The following NCOA6 variants were observed in gnomAD, a reference collection of about 807,000 sequenced individuals.
NCOA6 encodes nuclear receptor coactivator 6.
In NCOA6, 49 loss-of-function variants were observed where a neutral mutation model predicts 171.4. The observed-to-expected ratio is 0.29, with a 90% confidence interval of 0.23 to 0.36. The LOEUF is 0.36. NCOA6 is among the 10% of genes least tolerant of loss of function. The pLI is 1.00. For synonymous variants in NCOA6, 910 were observed against 927.5 expected, an observed-to-expected ratio of 0.98 and a Z score of 0.34; for missense variants, 2,248 against 2,554.5, an observed-to-expected ratio of 0.88 and a Z score of 2.59.
At chr20:34,821,809 G>C (rs1042691256) in intron 1 of NCOA6, among the ~76,000 whole-genome samples, 5 of 152,028 alleles carry the variant, frequency 3.3e-5, no homozygotes, top group Non-Finnish European at 5.9e-5. Flanking sequence ...GGATGGTCTC[G>C]ATCTCCTGAC....
chr20:34,758,687 A>G (rs921410819), intron 6 of NCOA6, 118 bp downstream of exon 6: 14 of 1,322,554 alleles, frequency 1.1e-5, no homozygotes, highest in African/African-American at 1.5e-5. Flanking sequence ...GATTTTGTAA[A>G]GAAGGTTGAC....
chr20:34,786,362 T>C (rs1367646220), intron 2 of NCOA6, among the ~76,000 whole-genome samples: 1 of 152,194 alleles, frequency 6.6e-6, no homozygotes, highest in Non-Finnish European at 1.5e-5. Flanking sequence ...TCAGCTCTAT[T>C]CTTGGTTATT....
intron 3 of NCOA6, among the ~76,000 whole-genome samples, chr20:34,780,204 C>T (rs1054791547): frequency 2.2e-4 from 33 of 152,172 alleles, no homozygotes; most frequent in Non-Finnish European, 4.7e-4. Context: ...GGTATTAACA[C>T]TTGTAATATG....
At position 34,742,705 on chromosome 20, in the gene NCOA6, G is replaced by T; in HGVS notation, c.3551C>A (p.Pro1184His). The T allele has an allele frequency of 6.2e-7, 1 of 1,614,158 alleles. No individual in the cohort carries two copies. The highest frequency in any genetic ancestry group is 8.5e-7 in the Non-Finnish European group (1 of 1,180,026). ...AGAGCTGGGCAGGGAATTTACAGGG[G>T]GTTGCTGGGGAGTTGCACCTTGAGT... ...SATQGATPQQ[P>H]PVNSLPSSHG... The change falls in exon 11 of 15, where the codon CCC becomes CAC. Residue 1184 changes from proline to histidine, a missense_variant. Physicochemically the swap from Pro to His is moderately conservative, Grantham distance 77. This residue lies in a region of NCOA6 where 352 missense variants were observed against 419.1 expected (regional missense o/e 0.84). Coordinates refer to ENST00000359003, the MANE Select transcript of NCOA6 (RefSeq NM_014071.5).
intron 5 of NCOA6, among the ~76,000 whole-genome samples, chr20:34,759,665 G>T (rs1172865760): frequency 6.6e-6 from 1 of 151,964 alleles, no homozygotes; most frequent in African/African-American, 2.4e-5. Context: ...TGTTATAAGG[G>T]TTCCATTGTA....
chr20:34,749,446 T>C lies in NCOA6; in HGVS notation c.2749A>G (p.Lys917Glu). 1.9e-6 allele frequency: 3 copies of C among 1,612,922 alleles called. No individual in the cohort carries two copies. The highest frequency in any genetic ancestry group is 2.5e-6 in the Non-Finnish European group (3 of 1,179,334). ...TTTTTCTTCTTCCGAGGGGGTTTCT[T>C]CTTCTTCGGTTTATTTGCGTTGGTA... ...NNTNANKPKK[K>E]KPPRKKKNSQ... The change falls in exon 9 of 15, where the codon AAG becomes GAG. Residue 917 changes from lysine (K) to glutamate (E), a missense_variant. This residue lies in a region of NCOA6 where 352 missense variants were observed against 419.1 expected (regional missense o/e 0.84). Coordinates refer to ENST00000359003, the MANE Select transcript of NCOA6 (RefSeq NM_014071.5).
Position 34,750,341 on chromosome 20 carries a change from T to G in NCOA6, c.1854A>C (p.Pro618=). Residue 618 remains proline, a synonymous_variant, in exon 9 of 15, where the codon CCA becomes CCC. Coordinates refer to ENST00000359003, the MANE Select transcript of NCOA6 (RefSeq NM_014071.5). ...NMQGQPQQGP[P]SQLMGMHQQI... ...GCTGGTGCATGCCCATCAGCTGAGA[T>G]GGTGGGCCCTGCTGGGGCTGGCCTT... 6.2e-7 allele frequency: 1 copy of G among 1,614,028 alleles called. No individual in the cohort carries two copies. Among genetic ancestry groups the G allele is most frequent in the Non-Finnish European group, 8.5e-7 (1 of 1,179,972 alleles).
In NCOA6 at chr20:34,715,330, A is replaced by G; in HGVS notation, c.6184T>C (p.Ser2062Pro). The G allele has an allele frequency of 6.2e-7, 1 of 1,613,944 alleles. No homozygotes were observed. The highest frequency in any genetic ancestry group is 8.5e-7 in the Non-Finnish European group (1 of 1,179,924). The change falls in exon 15 of 15, where the codon TCC (serine) becomes CCC (proline). Residue 2062 changes from serine to proline, a missense_variant. Ser to Pro is a moderately conservative substitution (Grantham distance 74, BLOSUM62 -1). This residue lies in a region of NCOA6 where 884 missense variants were observed against 941.9 expected (regional missense o/e 0.94). Coordinates refer to ENST00000359003, the MANE Select transcript of NCOA6 (RefSeq NM_014071.5). ...TSAVQSKRRK[S>P]K ...GTCGCAGTCCTGCTTGTTTACTTGG[A>G]TTTTCTTCGCTTGGATTGCACCGCA...
intron 8 of NCOA6, among the ~76,000 whole-genome samples, chr20:34,752,796 T>G (rs1469818129): frequency 6.6e-6 from 1 of 150,482 alleles, no homozygotes; most frequent in Non-Finnish European, 1.5e-5. Context: ...GGGCATGTAA[T>G]CCCAGCTACT....
Position 34,741,199 on chromosome 20 carries a change from T to G in NCOA6, c.5057A>C (p.Asn1686Thr). ...STIPAAPLTT[N>T]SGLMPPSVAV... is the part of the protein sequence containing the mutation. ...AACAGAGGGAGGCATCAGGCCAGAG[T>G]TGGTTGTCAGTGGGGCTGCAGGAAT... The change falls in exon 11 of 15, where the codon AAC (asparagine) becomes ACC (threonine). Residue 1686 changes from asparagine (N) to threonine (T), a missense_variant. This residue lies in a region of NCOA6 where 884 missense variants were observed against 941.9 expected (regional missense o/e 0.94). Coordinates refer to ENST00000359003, the MANE Select transcript of NCOA6 (RefSeq NM_014071.5). 2 of 1,614,168 alleles carry G rather than the reference T, an allele frequency of 1.2e-6. No individual in the cohort carries two copies. Among genetic ancestry groups the G allele is most frequent in the Non-Finnish European group, 1.7e-6 (2 of 1,180,044 alleles).
In NCOA6 at chr20:34,749,968, T is replaced by C; in HGVS notation, c.2227A>G (p.Ile743Val). 1 of 1,614,228 alleles carries C rather than the reference T, an allele frequency of 6.2e-7. No homozygotes were observed. Residue 743 changes from isoleucine to valine, a missense_variant, in exon 9 of 15, where the codon ATA becomes GTA. Transcript: ENST00000359003. The part of the protein sequence containing the change: ...QSNVMPGPAQ[I>V]MRGPTPNMQG... ...ATGTTTGGAGTTGGTCCCCTCATTA[T>C]CTGGGCTGGTCCCGGCATGACATTG...
At chr20:34,748,767 T>C (rs1445702172) in intron 9 of NCOA6, among the ~76,000 whole-genome samples, 1 of 152,178 alleles carries the variant, frequency 6.6e-6, no homozygotes, top group African/African-American at 2.4e-5. Flanking sequence ...GGTTTTAAGC[T>C]TCTAGGGATG....
intron 1 of NCOA6, among the ~76,000 whole-genome samples, chr20:34,824,687 G>A (rs1183424646): frequency 1.3e-5 from 2 of 152,122 alleles, no homozygotes; most frequent in East Asian, 3.9e-4. Flanking sequence ...CCAAACCTCA[G>A]TCTCCCTTTG....
In NCOA6 at chr20:34,757,340, G is replaced by A; in HGVS notation, c.1408C>T (p.Pro470Ser). 1.2e-6 allele frequency: 2 copies of A among 1,614,188 alleles called. No homozygotes were observed. The highest frequency in any genetic ancestry group is 1.7e-6 in the Non-Finnish European group (2 of 1,180,020). Reference protein sequence around the residue: ...NNPLPQGFQQPVSSPGRNPMV... With the variant: ...NNPLPQGFQQSVSSPGRNPMV... The stretch of plus-strand genomic sequence containing the variant: ...GGATTCCGACCCGGAGAGCTGACAG[G>A]CTGCTGAAATCCCTGGGGAAGTGGG... The change falls in exon 7 of 15, where the codon CCT becomes TCT. Residue 470 changes from proline to serine, a missense_variant. Coordinates refer to ENST00000359003, the MANE Select transcript of NCOA6 (RefSeq NM_014071.5).
In NCOA6 at chr20:34,742,522, T is replaced by C. The variant is rs764910012; in HGVS notation, c.3734A>G (p.Asn1245Ser). The C allele has an allele frequency of 1.4e-5, 23 of 1,614,036 alleles. No individual in the cohort carries two copies. Among genetic ancestry groups the C allele is most frequent in the Non-Finnish European group, 1.8e-5 (21 of 1,180,024 alleles). ...SEISLSPERLNASIAGLFPPQ... is the reference protein window; with the variant it reads ...SEISLSPERLSASIAGLFPPQ... The stretch of plus-strand genomic sequence containing the variant: ...AGGGAAGAGTCCTGCTATGGAGGCA[T>C]TGAGTCTTTCTGGTGACAGACTGAT... The change falls in exon 11 of 15, where the codon AAT becomes AGT. Residue 1245 changes from asparagine (N) to serine (S), a missense_variant. This residue lies in a region of NCOA6 where 4 missense variants were observed against 28.6 expected (regional missense o/e 0.14). Transcript: ENST00000359003.
intron 12 of NCOA6, among the ~76,000 whole-genome samples, chr20:34,735,721 A>C (rs922681469): frequency 6.6e-6 from 1 of 152,176 alleles, no homozygotes; most frequent in South Asian, 2.1e-4. Flanking sequence ...CTATTTTCAG[A>C]GGCCTGATTT....
At chr20:34,763,529 T>A (rs1198369045) in intron 5 of NCOA6, among the ~76,000 whole-genome samples, 2 of 152,216 alleles carry the variant, frequency 1.3e-5, no homozygotes, top group Non-Finnish European at 2.9e-5. Context: ...AATCTAATCC[T>A]AAATTGTATA....
At chr20:34,758,558 T>A (rs1290601526) in intron 6 of NCOA6, among the ~76,000 whole-genome samples, 2 of 152,230 alleles carry the variant, frequency 1.3e-5, no homozygotes, top group Non-Finnish European at 2.9e-5. Flanking sequence ...GTAATGAGCA[T>A]CTTGCAGGAC....
Position 34,758,760 on chromosome 20 carries a change from C to G in NCOA6, c.643+45G>C. ...TAACTGAATTTTATAATGATCTGTG[C>G]AGAAAGTTTCAGACTCTTCATCCTC... On this transcript the variant is annotated intron_variant, in intron 6 of 14. Coordinates refer to ENST00000359003, the MANE Select transcript of NCOA6 (RefSeq NM_014071.5). 4 of 1,599,410 alleles carry G rather than the reference C, an allele frequency of 2.5e-6. No individual in the cohort carries two copies. In the South Asian group the frequency reaches 4.5e-5, roughly 18 times the overall value.
Sources: gnomAD v4.1 joint callset for allele counts (sites outside exome capture counted in the v4.1 genomes callset) on GRCh38, gnomAD v4.1.1 for gene constraint, gnomAD v4.1.1 regional missense constraint, MANE v1.5 for transcripts, NCBI Gene and HGNC (gene_info 2026-07-23, HGNC 2026-07-21) for gene names.